XPNPEP3: variants seen among roughly 807,000 people sequenced by gnomAD.
XPNPEP3 encodes xaa-Pro aminopeptidase 3.
XPNPEP3 carries 41 observed loss-of-function variants against 60.0 expected under a neutral mutation model. The ratio of observed to expected loss-of-function variants is 0.68; its 90% CI spans 0.53 to 0.89. The LOEUF (loss-of-function observed/expected upper bound fraction) is 0.89. Among genes scored for constraint, XPNPEP3 ranks in the 40% least tolerant of loss-of-function variants. The probability of loss-of-function intolerance (pLI) is 0.00; values close to 1 mark genes in which losing one functional copy is unlikely to be tolerated. For missense variants in XPNPEP3, 598 were observed against 638.9 expected (o/e 0.94, Z 0.69); for synonymous variants, 212 against 223.2 (o/e 0.95, Z 0.45).
intron 1 of XPNPEP3, among the ~76,000 whole-genome samples, chr22:40,864,736 C>T (rs751066416): frequency 2.5e-4 from 38 of 152,268 alleles, no homozygotes; most frequent in Non-Finnish European, 3.7e-4. Context: ...TGAGCCACCG[C>T]ACCCAGCTGG....
intron 1 of XPNPEP3, among the ~76,000 whole-genome samples, chr22:40,868,001 C>A (rs2057987072): frequency 6.6e-6 from 1 of 151,470 alleles, no homozygotes. Context: ...TTGCATTCAC[C>A]ATTTAATATT....
chr22:40,865,469 C>T (rs1189294338), intron 1 of XPNPEP3, among the ~76,000 whole-genome samples: 1 of 151,804 alleles, frequency 6.6e-6, no homozygotes, highest in Non-Finnish European at 1.5e-5. Context: ...GCTGGGATTA[C>T]AGGCATGTGC....
intron 4 of XPNPEP3, chr22:40,888,354 C>G: frequency 2.5e-6 from 1 of 393,762 alleles, no homozygotes; most frequent in Non-Finnish European, 5.1e-6. Flanking sequence ...AGTGATCCTC[C>G]CACCTTAGCC....
chr22:40,917,460 G>A (rs923660893), intron 7 of XPNPEP3: 2 of 152,114 alleles, frequency 1.3e-5, no homozygotes, highest in Admixed American at 6.6e-5. Context: ...ACAAGATTTG[G>A]GAGGAGATGG....
chr22:40,870,730 TA>T (rs1289075079), intron 2 of XPNPEP3, among the ~76,000 whole-genome samples: 1 of 151,898 alleles, frequency 6.6e-6, no homozygotes, highest in South Asian at 2.1e-4. Context: ...TAAGAAAAAT[TA>T]AAAGGGGCCG....
At chr22:40,916,578 T>C (rs73885710) in intron 7 of XPNPEP3, among the ~76,000 whole-genome samples, 2,249 of 152,230 alleles carry the variant, frequency 0.015, 51 homozygotes, top group African/African-American at 0.052. Flanking sequence ...TACCTCCTAA[T>C]TCACAAACAT....
intron 7 of XPNPEP3, among the ~76,000 whole-genome samples, chr22:40,921,266 G>C (rs1398033180): frequency 6.6e-6 from 1 of 152,054 alleles, no homozygotes. Context: ...TCTCAGACGG[G>C]GGTGGAAGGG....
At chr22:40,923,108 G>T (rs1338458139) in intron 8 of XPNPEP3, among the ~76,000 whole-genome samples, 6 of 151,974 alleles carry the variant, frequency 3.9e-5, no homozygotes. Flanking sequence ...AGCTACTTGG[G>T]AGGTTGAGGT....
intron 1 of XPNPEP3, 22 bp downstream of exon 1, chr22:40,857,267 C>G (rs1035781789): frequency 1.9e-6 from 3 of 1,613,674 alleles, no homozygotes; most frequent in African/African-American, 2.7e-5. Flanking sequence ...CTCCCACGGT[C>G]TCCTCCCATG....
Position 40,881,898 on chromosome 22 carries a change from A to G in XPNPEP3, c.310A>G (p.Thr104Ala), listed in dbSNP as rs751020902. 9.3e-6 allele frequency: 15 copies of G among 1,614,048 alleles called. No individual in the cohort carries two copies. The highest frequency in any genetic ancestry group is 1.3e-5 in the African/African-American group (1 of 74,914). The part of the protein sequence containing the change: ...DQTVVVLSNP[T>A]YYMSNDIPYT... ...GACAGTGGTTGTGCTCTCCAACCCT[A>G]CATACTACATGAGCAACGATATTCC... The change falls in exon 3 of 10, where the codon ACA becomes GCA. Residue 104 changes from threonine to alanine, a missense_variant. By Grantham distance (58) the Thr-to-Ala change is moderately conservative. Coordinates refer to ENST00000357137, the MANE Select transcript of XPNPEP3 (RefSeq NM_022098.4).
At chr22:40,914,871 C>T (rs1343229462) in intron 7 of XPNPEP3, among the ~76,000 whole-genome samples, 4 of 151,958 alleles carry the variant, frequency 2.6e-5, no homozygotes, top group East Asian at 1.9e-4. Flanking sequence ...TATTTAAAGG[C>T]ACTAGAGATC....
At position 40,928,263 on chromosome 22, in the gene XPNPEP3, G is replaced by A. The variant is rs1449453738; in HGVS notation, c.*1828G>A. 1 of 146,398 alleles carries A rather than the reference G, an allele frequency of 6.8e-6. No homozygotes were observed. Among genetic ancestry groups the A allele is most frequent in the Non-Finnish European group, 1.5e-5 (1 of 67,182 alleles). 9.1% of individuals were successfully genotyped at this position (146,398 alleles called of 1,614,324 possible). A position where few individuals can be genotyped will look rare whatever the true frequency, so the allele number is the denominator to read the frequency against. On this transcript the variant is annotated 3_prime_UTR_variant, in exon 10 of 10. Coordinates refer to ENST00000357137, the MANE Select transcript of XPNPEP3 (RefSeq NM_022098.4). ...TGTCGCCTGGGCTGGATGGAGTGCA[G>A]TGGCGTAATCTCAGCTCACTACAAC...
At chr22:40,901,311 C>T (rs913917308) in intron 4 of XPNPEP3, among the ~76,000 whole-genome samples, 27 of 146,886 alleles carry the variant, frequency 1.8e-4, no homozygotes, top group South Asian at 8.5e-4. Context: ...CTCTGCTCAC[C>T]GCAACCTCCA....
At chr22:40,891,392 C>T (rs981911978) in intron 4 of XPNPEP3, among the ~76,000 whole-genome samples, 4 of 151,612 alleles carry the variant, frequency 2.6e-5, no homozygotes, top group Admixed American at 1.3e-4. Context: ...TGGTGGCTCA[C>T]ACCTGTAATC....
rs777002535 is a variant in XPNPEP3, at chr22:40,927,328, G to A, written c.*893G>A. The A allele has an allele frequency of 6.6e-6, 1 of 152,108 alleles. No homozygotes were observed. Among genetic ancestry groups the A allele is most frequent in the African/African-American group, 2.4e-5 (1 of 41,406 alleles). The allele number at this position is 152,108 out of a possible 1,614,324, so 9.4% of individuals were successfully genotyped here. A position where few individuals can be genotyped will look rare whatever the true frequency, so the allele number is the denominator to read the frequency against. ...GTCTCTACTAAAAATACAAAAATGA[G>A]CTGGGTGTGATGATACATGCCTGTA... On this transcript the variant is annotated 3_prime_UTR_variant, in exon 10 of 10. Transcript: ENST00000357137.
chr22:40,917,414 A>G (rs985268631), intron 7 of XPNPEP3: 2 of 151,960 alleles, frequency 1.3e-5, no homozygotes, highest in African/African-American at 4.8e-5. Flanking sequence ...AAAATTTTTA[A>G]AAAACACAAG....
In XPNPEP3 at chr22:40,898,347, G is replaced by A. The variant is rs961679035; in HGVS notation, c.793-9240G>A. 1.2e-4 allele frequency among the ~76,000 whole-genome samples: 16 copies of A among 129,636 alleles called. 1 individual carries two copies. The highest frequency in any genetic ancestry group is 4.6e-4 in the African/African-American group (13 of 28,074). 85.0% of individuals were successfully genotyped at this position (129,636 alleles called of 152,430 possible). ...CGGCTCACTGCAAGCTCCGCTTCCCGGGTTCACGCCATTCTCCTGCCTCAG... is the reference window on the plus strand; with the variant it reads ...CGGCTCACTGCAAGCTCCGCTTCCCAGGTTCACGCCATTCTCCTGCCTCAG... On this transcript the variant is annotated intron_variant, in intron 4 of 9. Coordinates refer to ENST00000357137, the MANE Select transcript of XPNPEP3 (RefSeq NM_022098.4).
Position 40,881,804 on chromosome 22 carries a change from T to C in XPNPEP3, c.216T>C (p.Tyr72=), listed in dbSNP as rs2058049090. The change falls in exon 3 of 10, where the codon TAT becomes TAC. Residue 72 remains tyrosine, a synonymous_variant. Transcript: ENST00000357137. ...EVTPGLSQVE[Y]ALRRHKLMSL... ...CTCCAGGACTATCTCAGGTGGAATA[T>C]GCACTTCGCAGACACAAACTAATGT... 1.2e-6 allele frequency: 2 copies of C among 1,614,200 alleles called. No individual in the cohort carries two copies. Among genetic ancestry groups the C allele is most frequent in the South Asian group, 2.2e-5 (2 of 91,088 alleles).
At chr22:40,905,154 A>G (rs968687234) in intron 4 of XPNPEP3, among the ~76,000 whole-genome samples, 1 of 151,174 alleles carries the variant, frequency 6.6e-6, no homozygotes, top group Non-Finnish European at 1.5e-5. Context: ...ATCTCGGCTC[A>G]CTGCAACCAC....
Sources: allele counts gnomAD v4.1 joint callset (sites outside exome capture counted in the v4.1 genomes callset), GRCh38; gene constraint gnomAD v4.1.1; transcripts MANE v1.5; gene names NCBI Gene and HGNC (gene_info 2026-07-23, HGNC 2026-07-21).